Variants in KLRG2 observed in about 807,000 individuals in gnomAD.
The protein encoded by KLRG2 is killer cell lectin like receptor G2.
A neutral mutation model predicts 35.4 loss-of-function variants in KLRG2; 39 were observed. That is an observed-to-expected ratio of 1.10 (90% CI 0.85 to 1.44). The LOEUF (loss-of-function observed/expected upper bound fraction) is 1.44, where lower values mean the gene tolerates loss of function less well. Among genes scored for constraint, KLRG2 ranks in the 40% most tolerant of loss-of-function variants. KLRG2 has a pLI of 0.00. For missense variants in KLRG2, 632 were observed against 570.9 expected (o/e 1.11, Z -1.09); for synonymous variants, 283 against 265.8 (o/e 1.06, Z -0.63).
intron 3 of KLRG2, among the ~76,000 whole-genome samples, chr7:139,467,191 C>T (rs55801593): frequency 0.078 from 11,906 of 152,158 alleles, 608 homozygotes; most frequent in Non-Finnish European, 0.12. Context: ...TGAGAAACAT[C>T]GCCCATTATC....
At position 139,483,508 on chromosome 7, in the gene KLRG2, T is replaced by A; in HGVS notation, c.135A>T (p.Glu45Asp). ...CGGCCCCGGCCGGACTTGGGCTGCTTTCGGGACCTTCAGGTTGTCGCACCT... is the reference window on the plus strand; with the variant it reads ...CGGCCCCGGCCGGACTTGGGCTGCTATCGGGACCTTCAGGTTGTCGCACCT... ...PAKVRQPEGP[E>D]SSPSPAGAVE... Residue 45 changes from glutamate to aspartate, a missense_variant, in exon 1 of 5, where the codon GAA (glutamate) becomes GAT (aspartate). By Grantham distance (45) the Glu-to-Asp change is conservative (BLOSUM62 2). Coordinates refer to ENST00000340940, the MANE Select transcript of KLRG2 (RefSeq NM_198508.4). The A allele has an allele frequency of 7.5e-6, 12 of 1,599,110 alleles. No homozygotes were observed. The highest frequency in any genetic ancestry group is 1.0e-5 in the Non-Finnish European group (12 of 1,178,910).
Position 139,483,475 on chromosome 7 carries a change from C to A in KLRG2, c.168G>T (p.Lys56Asn), listed in dbSNP as rs752103419. The part of the protein sequence containing the change: ...SSPSPAGAVE[K>N]AAGAGLEPSS... Reference sequence around the variant, plus strand: ...AGGGCTCCAGGCCTGCGCCCGCCGCCTTCTCCACGGCCCCGGCCGGACTTG... The same window carrying A: ...AGGGCTCCAGGCCTGCGCCCGCCGCATTCTCCACGGCCCCGGCCGGACTTG... The change falls in exon 1 of 5, where the codon AAG becomes AAT. Residue 56 changes from lysine to asparagine, a missense_variant. By Grantham distance (94) the Lys-to-Asn change is moderately conservative. Coordinates refer to ENST00000340940, the MANE Select transcript of KLRG2 (RefSeq NM_198508.4). 1.3e-6 allele frequency: 2 copies of A among 1,592,508 alleles called. No homozygotes were observed. Among genetic ancestry groups the A allele is most frequent in the South Asian group, 1.1e-5 (1 of 89,748 alleles).
intron 3 of KLRG2, among the ~76,000 whole-genome samples, chr7:139,465,923 C>T (rs57323279): frequency 0.045 from 6,887 of 152,204 alleles, 488 homozygotes; most frequent in African/African-American, 0.15. Context: ...TCTCTTCCCA[C>T]ACAAGGCAAA....
intron 4 of KLRG2, 48 bp downstream of exon 4, chr7:139,454,063 G>A (rs1399703798): frequency 8.9e-7 from 1 of 1,128,990 alleles, no homozygotes; most frequent in South Asian, 1.3e-5. Context: ...GGGGAGAAAT[G>A]GAGGATCCAG....
At chr7:139,481,284 T>C (rs1796955579) in intron 1 of KLRG2, among the ~76,000 whole-genome samples, 1 of 152,238 alleles carries the variant, frequency 6.6e-6, no homozygotes, top group South Asian at 2.1e-4. Context: ...TTAACGGAAC[T>C]GTAAGATAAT....
At chr7:139,450,230 T>C (rs1184567928), downstream of KLRG2, among the ~76,000 whole-genome samples, 1 of 118,254 alleles carries the variant, frequency 8.5e-6, no homozygotes, top group Non-Finnish European at 1.6e-5. Flanking sequence ...TTTTTTTGTT[T>C]TGTTTTGTTT....
In KLRG2 at chr7:139,479,764, A is replaced by T; in HGVS notation, c.868T>A (p.Cys290Ser). The change falls in exon 3 of 5, where the codon TGC becomes AGC. Residue 290 changes from cysteine to serine, a missense_variant. Physicochemically the swap from Cys to Ser is moderately radical, Grantham distance 112. Transcript: ENST00000340940. The part of the protein sequence containing the change: ...VVLASRAGAR[C>S]QQCPPGWVLS... ...ACCCAGCCTGGGGGGCACTGCTGGCATCTGGCTCCTGCAAGCACAGAGACT... is the reference window on the plus strand; with the variant it reads ...ACCCAGCCTGGGGGGCACTGCTGGCTTCTGGCTCCTGCAAGCACAGAGACT... 13 of 1,613,666 alleles carry T rather than the reference A, an allele frequency of 8.1e-6. No individual in the cohort carries two copies. Among genetic ancestry groups the T allele is most frequent in the Non-Finnish European group, 1.0e-5 (12 of 1,179,808 alleles).
At chr7:139,467,558 A>G (rs1796685512) in intron 3 of KLRG2, among the ~76,000 whole-genome samples, 1 of 152,080 alleles carries the variant, frequency 6.6e-6, no homozygotes, top group African/African-American at 2.4e-5. Context: ...GCTCTCTGAA[A>G]CATGTGCTGT....
downstream of KLRG2, among the ~76,000 whole-genome samples, chr7:139,449,257 C>T (rs1054578571): frequency 1.3e-5 from 2 of 151,628 alleles, no homozygotes; most frequent in African/African-American, 2.4e-5. Context: ...CAAAAATTAG[C>T]CCAGCATGGT....
chr7:139,434,428 G>A, the KLRG2 span, among the ~76,000 whole-genome samples: 1 of 152,082 alleles, frequency 6.6e-6, no homozygotes, highest in African/African-American at 2.4e-5. Flanking sequence ...TCCTTGGCTG[G>A]GAGCATCAAC....
intron 3 of KLRG2, among the ~76,000 whole-genome samples, chr7:139,471,984 G>A (rs930533999): frequency 1.3e-5 from 2 of 152,212 alleles, no homozygotes; most frequent in Non-Finnish European, 2.9e-5. Context: ...AGACTGTTTC[G>A]GAGCTGTCAC....
chr7:139,440,063 CTT>C, the KLRG2 span, among the ~76,000 whole-genome samples: 2 of 152,028 alleles, frequency 1.3e-5, no homozygotes, highest in South Asian at 2.1e-4. Flanking sequence ...CTCCCTGTGT[CTT>C]TTTTACATGA....
chr7:139,454,863 ATAAC>A (rs1367975046), intron 3 of KLRG2, among the ~76,000 whole-genome samples: 4 of 136,988 alleles, frequency 2.9e-5, no homozygotes, highest in African/African-American at 1.2e-4. Context: ...AATAATAATA[ATAAC>A]ACACGCAGAT....
chr7:139,453,716 G>C lies in KLRG2; in HGVS notation c.1110-9C>G. On this transcript the variant is annotated splice_polypyrimidine_tract_variant and intron_variant, in intron 4 of 4. Transcript: ENST00000340940. ...CGCCGTCCTCAGGGAGTCTGGGAAA[G>C]GATGGGAGGGGAAAGAGGAGAGGTG... is the stretch of plus-strand genomic sequence containing the variant. 1 of 1,613,886 alleles carries C rather than the reference G, an allele frequency of 6.2e-7. No homozygotes were observed. The highest frequency in any genetic ancestry group is 8.5e-7 in the Non-Finnish European group (1 of 1,179,908).
At chr7:139,446,985 G>C in the KLRG2 span, among the ~76,000 whole-genome samples, 1 of 152,172 alleles carries the variant, frequency 6.6e-6, no homozygotes, top group African/African-American at 2.4e-5. Context: ...TCTTTGGTCA[G>C]TGACAGCCTC....
At chr7:139,440,088 G>A in the KLRG2 span, among the ~76,000 whole-genome samples, 2 of 151,874 alleles carry the variant, frequency 1.3e-5, no homozygotes, top group Non-Finnish European at 2.9e-5. Context: ...TGCTCTCTAC[G>A]GGCATGTCTG....
chr7:139,428,116 C>T, the KLRG2 span, among the ~76,000 whole-genome samples: 1 of 152,168 alleles, frequency 6.6e-6, no homozygotes, highest in African/African-American at 2.4e-5. Context: ...ATGAATGAAG[C>T]AGGATGATAA....
At chr7:139,443,364 G>C in the KLRG2 span, among the ~76,000 whole-genome samples, 59,478 of 151,948 alleles carry the variant, frequency 0.39, 16,485 homozygotes, top group African/African-American at 0.79. Flanking sequence ...GAGATTATAG[G>C]AGTGAGTCAC....
At chr7:139,464,507 C>G (rs187387204) in intron 3 of KLRG2, among the ~76,000 whole-genome samples, 1 of 152,196 alleles carries the variant, frequency 6.6e-6, no homozygotes, top group African/African-American at 2.4e-5. Flanking sequence ...CCCTCCACAA[C>G]CCATTATTCT....
Sources: gnomAD v4.1 joint callset for allele counts (sites outside exome capture counted in the v4.1 genomes callset) on GRCh38, gnomAD v4.1.1 for gene constraint, MANE v1.5 for transcripts, NCBI Gene and HGNC (gene_info 2026-07-23, HGNC 2026-07-21) for gene names.